The following MACROD2 variants were observed in gnomAD, a reference collection of about 807,000 sequenced individuals.
MACROD2 encodes the protein mono-ADP ribosylhydrolase 2, also known as ADP-ribose glycohydrolase MACROD2.
In MACROD2, 36 loss-of-function variants were observed where a neutral mutation model predicts 70.4. The ratio of observed to expected loss-of-function variants is 0.51; its 90% confidence interval spans 0.39 to 0.68. The LOEUF (loss-of-function observed/expected upper bound fraction) is 0.68, where lower values mean the gene tolerates loss of function less well. Among genes scored for constraint, MACROD2 ranks in the 30% least tolerant of loss-of-function variants. The pLI is 0.00. For synonymous variants in MACROD2, 172 were observed against 178.8 expected (o/e 0.96, Z 0.30); for missense variants, 496 against 538.4 (o/e 0.92, Z 0.78).
chr20:15,370,138 C>G (rs1008847010), intron 6 of MACROD2, among the ~76,000 whole-genome samples: 1 of 151,966 alleles, frequency 6.6e-6, no homozygotes, highest in East Asian at 1.9e-4. Flanking sequence ...GATCGGAAAC[C>G]AAGAATGGAA....
intron 9 of MACROD2, among the ~76,000 whole-genome samples, chr20:15,882,836 T>G (rs2064773864): frequency 6.6e-6 from 1 of 151,984 alleles, no homozygotes; most frequent in Non-Finnish European, 1.5e-5. Flanking sequence ...TGGGAGTCAT[T>G]CTGGGGATGA....
chr20:15,941,649 G>GCAGTTATAA (rs2065752843), intron 12 of MACROD2, among the ~76,000 whole-genome samples: 1 of 152,152 alleles, frequency 6.6e-6, no homozygotes, highest in South Asian at 2.1e-4. Flanking sequence ...TTAGAGCTCT[G>GCAGTTATAA]CAGTTATAAG....
chr20:14,128,808 C>T (rs11700086), intron 3 of MACROD2, among the ~76,000 whole-genome samples: 4,037 of 152,290 alleles, frequency 0.027, 52 homozygotes, highest in Non-Finnish European at 0.032. Context: ...TGAATCTACT[C>T]TGCCTGTGTT....
chr20:14,044,324 C>T (rs1601151303), intron 2 of MACROD2, among the ~76,000 whole-genome samples: 1 of 152,088 alleles, frequency 6.6e-6, no homozygotes, highest in South Asian at 2.1e-4. Flanking sequence ...GTGAGTGTTA[C>T]AGCTTATAAA....
At chr20:14,353,306 T>G (rs2083142070) in intron 3 of MACROD2, among the ~76,000 whole-genome samples, 1 of 152,134 alleles carries the variant, frequency 6.6e-6, no homozygotes, top group African/African-American at 2.4e-5. Flanking sequence ...TTATAATTAA[T>G]AGCAATAATT....
intron 3 of MACROD2, among the ~76,000 whole-genome samples, chr20:14,413,528 A>C (rs1204981718): frequency 6.6e-6 from 1 of 152,074 alleles, no homozygotes; most frequent in East Asian, 1.9e-4. Flanking sequence ...TTTTTGTTGT[A>C]ATGTTACTCT....
At chr20:15,198,328 TAA>T (rs1403689495) in intron 5 of MACROD2, among the ~76,000 whole-genome samples, 4 of 152,270 alleles carry the variant, frequency 2.6e-5, no homozygotes, top group African/African-American at 9.6e-5. Flanking sequence ...TTCCAATTTT[TAA>T]AAGTTAAGGT....
At chr20:15,315,119 CAGAG>C (rs1246953043) in intron 6 of MACROD2, among the ~76,000 whole-genome samples, 26 of 152,046 alleles carry the variant, frequency 1.7e-4, no homozygotes, top group Non-Finnish European at 4.4e-5. Context: ...ATTTGAAAAT[CAGAG>C]AGAAATAAGA....
chr20:14,614,712 A>G lies in MACROD2; in HGVS notation c.302-70131A>G, dbSNP rs1317240712. On this transcript the variant is annotated intron_variant, in intron 4 of 17. Transcript: ENST00000684519. ...GACCTTGCAGGACCACAGAGGTGCT[A>G]ATTTTAAGCATTAATTATTCATTCC... Among the ~76,000 whole-genome samples the G allele has an allele frequency of 2.0e-5, 3 of 152,146 alleles. No individual in the cohort carries two copies. The East Asian group carries it at 5.8e-4, about 29-fold the overall frequency.
chr20:15,562,996 A>C (rs536579016), intron 8 of MACROD2, among the ~76,000 whole-genome samples: 8 of 152,334 alleles, frequency 5.3e-5, no homozygotes, highest in Admixed American at 3.3e-4. Flanking sequence ...ATATAGGTCT[A>C]AGAAATTACA....
At chr20:14,098,246 C>G (rs567771821) in intron 3 of MACROD2, among the ~76,000 whole-genome samples, 6 of 152,296 alleles carry the variant, frequency 3.9e-5, no homozygotes, top group African/African-American at 1.4e-4. Flanking sequence ...GACCAACTAA[C>G]AGGGTTTATT....
At chr20:14,369,302 C>T (rs920458549) in intron 3 of MACROD2, among the ~76,000 whole-genome samples, 16 of 147,704 alleles carry the variant, frequency 1.1e-4, no homozygotes, top group African/African-American at 3.0e-4. Context: ...TAGTTTTTTG[C>T]GAGTAAGATT....
intron 4 of MACROD2, among the ~76,000 whole-genome samples, chr20:14,668,951 A>C (rs1344509694): frequency 6.6e-6 from 1 of 152,164 alleles, no homozygotes; most frequent in Non-Finnish European, 1.5e-5. Flanking sequence ...GAAGAAAATA[A>C]TTAGGTCTTT....
At chr20:14,020,990 T>C (rs1192366952) in intron 2 of MACROD2, among the ~76,000 whole-genome samples, 1 of 144,666 alleles carries the variant, frequency 6.9e-6, no homozygotes, top group African/African-American at 2.6e-5. Flanking sequence ...GAATATTCTT[T>C]TTTTTTTTTT....
intron 2 of MACROD2, among the ~76,000 whole-genome samples, chr20:14,062,542 G>A (rs1490350881): frequency 2.0e-5 from 3 of 152,166 alleles, no homozygotes; most frequent in South Asian, 2.1e-4. Flanking sequence ...CAAAGACATG[G>A]AAGCATTAAA....
intron 3 of MACROD2, among the ~76,000 whole-genome samples, chr20:14,347,419 A>G (rs1209369973): frequency 6.6e-6 from 1 of 152,200 alleles, no homozygotes; most frequent in Non-Finnish European, 1.5e-5. Flanking sequence ...AATAATATCG[A>G]TGTAATGAGA....
intron 4 of MACROD2, among the ~76,000 whole-genome samples, chr20:14,561,015 T>G (rs1460538963): frequency 6.6e-6 from 1 of 151,972 alleles, no homozygotes; most frequent in Non-Finnish European, 1.5e-5. Flanking sequence ...GACTGTCAGA[T>G]CCAAATAAAG....
At chr20:15,530,261 G>C (rs1157859962) in intron 8 of MACROD2, among the ~76,000 whole-genome samples, 1 of 152,124 alleles carries the variant, frequency 6.6e-6, no homozygotes, top group Non-Finnish European at 1.5e-5. Context: ...GAGACAGAAA[G>C]CTTTGGGTTA....
At chr20:14,788,214 GAC>G (rs2072398558) in intron 5 of MACROD2, among the ~76,000 whole-genome samples, 1 of 152,046 alleles carries the variant, frequency 6.6e-6, no homozygotes, top group Non-Finnish European at 1.5e-5. Context: ...TGGATGAGCA[GAC>G]ACATTAGGGC....
Sources: allele counts gnomAD v4.1 joint callset (sites outside exome capture counted in the v4.1 genomes callset), GRCh38; gene constraint gnomAD v4.1.1; transcripts MANE v1.5; gene names NCBI Gene and HGNC (gene_info 2026-07-23, HGNC 2026-07-21).